Variants in URB1 observed in about 807,000 individuals in gnomAD.
The protein encoded by URB1 is URB1 ribosome biogenesis factor.
Under a neutral mutation model 242.3 loss-of-function variants are expected in URB1, and 197 were observed. The ratio of observed to expected loss-of-function variants is 0.81; its 90% confidence interval spans 0.72 to 0.91. The LOEUF is 0.91. Among genes scored for constraint, URB1 ranks in the 40% least tolerant of loss-of-function variants. The probability of loss-of-function intolerance (pLI) is 0.00; values close to 1 mark genes in which losing one functional copy is unlikely to be tolerated. For missense variants in URB1, 2,721 were observed against 2,860.5 expected (o/e 0.95, Z 1.11); for synonymous variants, 1,153 against 1,201.8 (o/e 0.96, Z 0.84).
chr21:32,351,683 C>T (rs73903308), intron 19 of URB1, among the ~76,000 whole-genome samples: 24,307 of 152,176 alleles, frequency 0.16, 2,414 homozygotes, highest in African/African-American at 0.28. Context: ...CCGACACACC[C>T]TGGAGGGTGA....
intron 30 of URB1, among the ~76,000 whole-genome samples, chr21:32,327,697 A>G (rs2833768): frequency 0.85 from 128,929 of 152,200 alleles, 54,984 homozygotes; most frequent in Admixed American, 0.9. Context: ...GCATACTGAA[A>G]TGTAATGCAT....
Position 32,342,536 on chromosome 21 carries a change from G to GCTATTCATAGGCGCAATCC in URB1, c.4258-1031_4258-1013dup, listed in dbSNP as rs1206647669. On this transcript the variant is annotated intron_variant, in intron 24 of 38. Coordinates refer to ENST00000382751, the MANE Select transcript of URB1 (RefSeq NM_014825.3). ...AAGGCTGGAGTGCAATGGTGCAATG[G>GCTATTCATAGGCGCAATCC]CTATTCATAGGCGCAATCCCACTAC... Among the ~76,000 whole-genome samples the GCTATTCATAGGCGCAATCC allele has an allele frequency of 3.6e-4, 55 of 152,150 alleles. 1 individual carries two copies. The highest frequency in any genetic ancestry group is 6.9e-4 in the Non-Finnish European group (47 of 67,994).
rs538618558 is a variant in URB1, at chr21:32,375,608, T to A, written c.665-125A>T. On this transcript the variant is annotated intron_variant, in intron 5 of 38. Coordinates refer to ENST00000382751, the MANE Select transcript of URB1 (RefSeq NM_014825.3). ...TTTACTTTTTCAAGTTTTTTTTTTT[T>A]AACTATACAAGTTTCCGGTAGAAAT... 7.1e-4 allele frequency: 402 copies of A among 563,818 alleles called. 1 individual carries two copies. Among genetic ancestry groups the A allele is most frequent in the Admixed American group, 1.0e-3 (27 of 25,744 alleles). The allele number at this position is 563,818 out of a possible 1,614,324, so 34.9% of individuals were successfully genotyped here. A position where few individuals can be genotyped will look rare whatever the true frequency, so the allele number is the denominator to read the frequency against.
chr21:32,316,771 T>G lies in URB1; in HGVS notation c.6329A>C (p.Glu2110Ala). 3 of 1,550,120 alleles carry G rather than the reference T, an allele frequency of 1.9e-6. No individual in the cohort carries two copies. The highest frequency in any genetic ancestry group is 2.6e-6 in the Non-Finnish European group (3 of 1,146,158). Reference sequence around the variant, plus strand: ...AGCCTCTGCCCTGCTGAGCGGGTGCTCGGCCACCGACCGCAGCACCCAACT... The same window carrying G: ...AGCCTCTGCCCTGCTGAGCGGGTGCGCGGCCACCGACCGCAGCACCCAACT... Reference protein sequence around the residue: ...AVSWVLRSVAEHPLSRAEAAG... With the variant: ...AVSWVLRSVAAHPLSRAEAAG... The change falls in exon 38 of 39, where the codon GAG becomes GCG. Residue 2110 changes from glutamate (E) to alanine (A), a missense_variant. Glu to Ala is a moderately radical substitution (Grantham distance 107, BLOSUM62 -1). Coordinates refer to ENST00000382751, the MANE Select transcript of URB1 (RefSeq NM_014825.3).
chr21:32,344,549 T>G lies in URB1; in HGVS notation c.4257+21A>C, dbSNP rs1161392942. Reference sequence around the variant, plus strand: ...CTTTCCCACAGAAATTTAATCTGGATCTCTAAGAAAAGACACTTACCAACA... The same window carrying G: ...CTTTCCCACAGAAATTTAATCTGGAGCTCTAAGAAAAGACACTTACCAACA... On this transcript the variant is annotated intron_variant, in intron 24 of 38. Transcript: ENST00000382751. The G allele has an allele frequency of 6.5e-6, 10 of 1,549,630 alleles. No individual in the cohort carries two copies. The East Asian group carries it at 2.4e-4, about 38-fold the overall frequency.
intron 32 of URB1, 90 bp downstream of exon 32, chr21:32,324,401 C>T (rs2032803320): frequency 5.7e-6 from 6 of 1,048,930 alleles, no homozygotes; most frequent in Non-Finnish European, 8.6e-6. Context: ...AGATGTGTGA[C>T]CCACTATACC....
chr21:32,363,364 C>T lies in URB1; in HGVS notation c.1336-35G>A. 3 of 1,541,436 alleles carry T rather than the reference C, an allele frequency of 1.9e-6. No individual in the cohort carries two copies. In the South Asian group the frequency reaches 3.6e-5, roughly 19 times the overall value. On this transcript the variant is annotated intron_variant, in intron 10 of 38. Coordinates refer to ENST00000382751, the MANE Select transcript of URB1 (RefSeq NM_014825.3). ...AAAAGAGTTAAATGCACACATGTCTCTAGGATACACAGATTTGCTAAGCTA... is the reference window on the plus strand; with the variant it reads ...AAAAGAGTTAAATGCACACATGTCTTTAGGATACACAGATTTGCTAAGCTA...
At chr21:32,341,696 T>A (rs1446830969) in intron 24 of URB1, among the ~76,000 whole-genome samples, 172 bp from the exon 25 acceptor site, 2 of 152,192 alleles carry the variant, frequency 1.3e-5, no homozygotes, top group Non-Finnish European at 2.9e-5. Context: ...CCCCTTCTGC[T>A]CTGACACTTG....
chr21:32,342,684 G>A (rs1216438192), intron 24 of URB1, among the ~76,000 whole-genome samples: 11 of 60 alleles, frequency 0.18, no homozygotes, highest in African/African-American at 0.32. Flanking sequence ...CAGGAAAGCC[G>A]GAACCCTGGT....
chr21:32,317,767 G>C lies in URB1; in HGVS notation c.5943C>G (p.Leu1981=). The C allele has an allele frequency of 6.4e-7, 1 of 1,551,914 alleles. No individual in the cohort carries two copies. Among genetic ancestry groups the C allele is most frequent in the East Asian group, 2.4e-5 (1 of 40,920 alleles). ...TVLSTKDVLV[L]LHKWSLIERD... ...TTTCAATGAGGCTCCACTTGTGCAA[G>C]AGGACAAGGACGTCCTTGGTGGAAA... Residue 1981 remains leucine (L), a synonymous_variant, in exon 37 of 39, where the codon CTC becomes CTG. Coordinates refer to ENST00000382751, the MANE Select transcript of URB1 (RefSeq NM_014825.3).
chr21:32,317,605 A>AGAGG, intron 37 of URB1, 71 bp downstream of exon 37: 2 of 1,515,670 alleles, frequency 1.3e-6, no homozygotes, highest in Non-Finnish European at 1.8e-6. Flanking sequence ...AGACAGAGAG[A>AGAGG]GAGGGAGGGA....
At chr21:32,381,176 G>A (rs1343818981) in intron 4 of URB1, among the ~76,000 whole-genome samples, 1 of 152,148 alleles carries the variant, frequency 6.6e-6, no homozygotes, top group Non-Finnish European at 1.5e-5. Flanking sequence ...TACTGCAAGT[G>A]GACCACATGC....
chr21:32,344,793 G>A, intron 23 of URB1, 37 bp from the exon 24 acceptor site: 2 of 1,533,714 alleles, frequency 1.3e-6, no homozygotes, highest in Non-Finnish European at 1.8e-6. Context: ...CAGAGAGCAG[G>A]TTTAAATCCT....
chr21:32,312,406 T>C lies in URB1; in HGVS notation c.*2512A>G. ...TGTTAGGATGCTGGGTAAGTTCCCA[T>C]CCAAGCTCCACTAACACCCGCCGGC... On this transcript the variant is annotated 3_prime_UTR_variant, in exon 39 of 39. Coordinates refer to ENST00000382751, the MANE Select transcript of URB1 (RefSeq NM_014825.3). 1 of 979,136 alleles carries C rather than the reference T, an allele frequency of 1.0e-6. No homozygotes were observed. Among genetic ancestry groups the C allele is most frequent in the Non-Finnish European group, 1.3e-6 (1 of 769,892 alleles). 60.7% of individuals were successfully genotyped at this position (979,136 alleles called of 1,614,324 possible).
intron 31 of URB1, 125 bp downstream of exon 31, chr21:32,325,104 A>T: frequency 8.1e-7 from 1 of 1,239,594 alleles, no homozygotes; most frequent in Non-Finnish European, 1.1e-6. Context: ...TTCAGCAGAG[A>T]TCTCCCGGCA....
rs1358002256 is a variant in URB1, at chr21:32,372,615, G to A, written c.893C>T (p.Ala298Val). Residue 298 changes from alanine (A) to valine (V), a missense_variant, in exon 8 of 39, where the codon GCA becomes GTA. Transcript: ENST00000382751. The part of the protein sequence containing the change: ...PENVKVSAEE[A>V]GKTMVRELVH... Reference sequence around the variant, plus strand: ...AAGCTCCCGCACCATGGTTTTCCCTGCTTCTTCGGCAGAAACCTATGAAGA... The same window carrying A: ...AAGCTCCCGCACCATGGTTTTCCCTACTTCTTCGGCAGAAACCTATGAAGA... 1.9e-6 allele frequency: 3 copies of A among 1,549,744 alleles called. No homozygotes were observed. The highest frequency in any genetic ancestry group is 1.4e-5 in the African/African-American group (1 of 72,914).
intron 8 of URB1, among the ~76,000 whole-genome samples, chr21:32,371,675 G>A (rs1035256506): frequency 1.3e-5 from 2 of 152,092 alleles, no homozygotes; most frequent in Non-Finnish European, 2.9e-5. Context: ...CTAAATCCTT[G>A]TGATATAATG....
In URB1 at chr21:32,336,121, A is replaced by C. The variant is rs909299091; in HGVS notation, c.4685+973T>G. On this transcript the variant is annotated intron_variant, in intron 28 of 38. Transcript: ENST00000382751. Reference sequence around the variant, plus strand: ...TGACATAGCACCAGCTCCGACGTCAAAAGAGCGAGGCTGCCGCAGGAGAAA... The same window carrying C: ...TGACATAGCACCAGCTCCGACGTCACAAGAGCGAGGCTGCCGCAGGAGAAA... Among the ~76,000 whole-genome samples the C allele has an allele frequency of 5.3e-5, 8 of 152,228 alleles. No individual in the cohort carries two copies. In the South Asian group the frequency reaches 1.2e-3, roughly 24 times the overall value.
At chr21:32,383,904 G>A (rs896688176) in intron 3 of URB1, among the ~76,000 whole-genome samples, 3 of 152,272 alleles carry the variant, frequency 2.0e-5, no homozygotes, top group African/African-American at 2.4e-5. Context: ...CTCTGAATGC[G>A]AGCTCTTGGC....
Sources: allele counts gnomAD v4.1 joint callset (sites outside exome capture counted in the v4.1 genomes callset), GRCh38; gene constraint gnomAD v4.1.1; transcripts MANE v1.5; gene names NCBI Gene and HGNC (gene_info 2026-07-23, HGNC 2026-07-21).